Variants in NCKAP5 observed in about 807,000 individuals in gnomAD.
The protein encoded by NCKAP5 is nck-associated protein 5.
Under a neutral mutation model 167.0 loss-of-function variants are expected in NCKAP5, and 92 were observed. That is an observed-to-expected ratio of 0.55 (90% CI 0.47 to 0.66). The LOEUF (loss-of-function observed/expected upper bound fraction) is 0.66. Ranked by LOEUF, NCKAP5 falls within the 30% of genes least tolerant of loss-of-function variation. NCKAP5 has a pLI of 0.00. For synonymous variants in NCKAP5, 891 were observed against 877.4 expected (o/e 1.02, Z -0.27); for missense variants, 2,378 against 2,315.0 (o/e 1.03, Z -0.56).
intron 5 of NCKAP5, among the ~76,000 whole-genome samples, chr2:133,210,438 C>G (rs533912354): frequency 1.4e-4 from 22 of 151,842 alleles, no homozygotes; most frequent in African/African-American, 4.8e-4. Flanking sequence ...ACCATTTTTC[C>G]TTTCATGTGA....
intron 6 of NCKAP5, among the ~76,000 whole-genome samples, chr2:133,021,055 G>A (rs554074673): frequency 1.3e-5 from 2 of 152,128 alleles, no homozygotes; most frequent in Non-Finnish European, 2.9e-5. Context: ...CACCCCCTCA[G>A]GAAGACCTGG....
At chr2:133,134,089 C>A (rs1367360230) in intron 5 of NCKAP5, among the ~76,000 whole-genome samples, 1 of 152,200 alleles carries the variant, frequency 6.6e-6, no homozygotes, top group Non-Finnish European at 1.5e-5. Flanking sequence ...ACAGAAAACT[C>A]CACCCAGTTG....
intron 4 of NCKAP5, among the ~76,000 whole-genome samples, chr2:133,215,969 A>G (rs2086410366): frequency 6.6e-6 from 1 of 152,136 alleles, no homozygotes; most frequent in Non-Finnish European, 1.5e-5. Flanking sequence ...TTTTACTAGC[A>G]ACAAACAATT....
At chr2:132,700,964 A>C (rs1284265389) in intron 19 of NCKAP5, among the ~76,000 whole-genome samples, 1 of 151,238 alleles carries the variant, frequency 6.6e-6, no homozygotes, top group Non-Finnish European at 1.5e-5. Context: ...ACTAATAGGG[A>C]TATCCATCCA....
chr2:133,607,131 T>A, the NCKAP5 span, among the ~76,000 whole-genome samples: 1 of 152,248 alleles, frequency 6.6e-6, no homozygotes, highest in Non-Finnish European at 1.5e-5. Flanking sequence ...CATCAGTATG[T>A]GTACCACATA....
chr2:132,924,333 C>T (rs751626717), intron 8 of NCKAP5, among the ~76,000 whole-genome samples: 5 of 152,068 alleles, frequency 3.3e-5, no homozygotes, highest in African/African-American at 4.8e-5. Flanking sequence ...AAGACGATGT[C>T]GTAGATGGAA....
At chr2:133,139,629 T>G (rs1478203140) in intron 5 of NCKAP5, among the ~76,000 whole-genome samples, 1 of 152,208 alleles carries the variant, frequency 6.6e-6, no homozygotes, top group East Asian at 1.9e-4. Context: ...TGACAGAATC[T>G]AAATGATGTT....
intron 3 of NCKAP5, among the ~76,000 whole-genome samples, chr2:133,305,674 G>A (rs1680730044): frequency 6.6e-6 from 1 of 152,104 alleles, no homozygotes; most frequent in Admixed American, 6.6e-5. Context: ...ACTGGCTTGT[G>A]ATTTCAAAGC....
At chr2:133,128,032 A>C (rs2082459713) in intron 6 of NCKAP5, among the ~76,000 whole-genome samples, 1 of 152,160 alleles carries the variant, frequency 6.6e-6, no homozygotes. Context: ...TCCTACACCA[A>C]AGTTGAAGCA....
intron 6 of NCKAP5, among the ~76,000 whole-genome samples, chr2:133,095,351 A>G (rs2081312881): frequency 6.6e-6 from 1 of 152,160 alleles, no homozygotes; most frequent in East Asian, 1.9e-4. Flanking sequence ...TGTGCAAACC[A>G]GCTCCTTCTC....
At chr2:133,645,522 T>A in the NCKAP5 span, among the ~76,000 whole-genome samples, 1 of 152,156 alleles carries the variant, frequency 6.6e-6, no homozygotes, top group Non-Finnish European at 1.5e-5. Flanking sequence ...TCAATATTAA[T>A]GAAGCAGTAC....
At chr2:133,131,977 AT>A (rs1246793275) in intron 5 of NCKAP5, among the ~76,000 whole-genome samples, 3 of 151,920 alleles carry the variant, frequency 2.0e-5, no homozygotes, top group African/African-American at 7.3e-5. Context: ...CAAAAAAAAA[AT>A]GTACGCTAAA....
chr2:133,278,791 A>G lies in NCKAP5; in HGVS notation c.143+24246T>C, dbSNP rs569616474. 7.1e-4 allele frequency among the ~76,000 whole-genome samples: 108 copies of G among 151,980 alleles called. 1 individual carries two copies. Among genetic ancestry groups the G allele is most frequent in the Admixed American group, 6.4e-3 (97 of 15,248 alleles). On this transcript the variant is annotated intron_variant, in intron 4 of 19. Coordinates refer to ENST00000409261, the MANE Select transcript of NCKAP5 (RefSeq NM_207363.3). ...ATCCATCCCTAAACTACAAAAAAAA[A>G]AAAAAAAACCCTCTTAAAATAAGGG...
intron 3 of NCKAP5, among the ~76,000 whole-genome samples, chr2:133,373,563 C>T (rs12328723): frequency 0.19 from 28,386 of 152,108 alleles, 2,669 homozygotes; most frequent in Non-Finnish European, 0.2. Context: ...GACAAACTAA[C>T]TCTAAAGGTT....
chr2:132,704,674 C>A (rs759143444), intron 19 of NCKAP5, among the ~76,000 whole-genome samples: 1 of 152,164 alleles, frequency 6.6e-6, no homozygotes, highest in East Asian at 1.9e-4. Context: ...CCTTTCGTGT[C>A]CACATTTCCA....
intron 4 of NCKAP5, among the ~76,000 whole-genome samples, chr2:133,254,416 C>A (rs990948602): frequency 1.3e-5 from 2 of 151,974 alleles, no homozygotes; most frequent in African/African-American, 4.8e-5. Context: ...GATACTTCGA[C>A]GAGGCTGAGC....
chr2:133,341,686 A>G (rs973322709), intron 3 of NCKAP5, among the ~76,000 whole-genome samples: 2 of 152,206 alleles, frequency 1.3e-5, no homozygotes, highest in African/African-American at 2.4e-5. Context: ...AAAGTAGCAC[A>G]GCACCCATGA....
chr2:133,118,599 G>T (rs1362349857), intron 6 of NCKAP5: 1 of 151,822 alleles, frequency 6.6e-6, no homozygotes, highest in Non-Finnish European at 1.5e-5. Flanking sequence ...GATATAATAT[G>T]CAGCTGCAAA....
At chr2:133,278,462 C>T (rs887854958) in intron 4 of NCKAP5, among the ~76,000 whole-genome samples, 2 of 152,080 alleles carry the variant, frequency 1.3e-5, no homozygotes, top group Non-Finnish European at 2.9e-5. Flanking sequence ...CTCCCTCTGC[C>T]CACAACCAGG....
Sources: allele counts gnomAD v4.1 joint callset (sites outside exome capture counted in the v4.1 genomes callset), GRCh38; gene constraint gnomAD v4.1.1; transcripts MANE v1.5; gene names NCBI Gene and HGNC (gene_info 2026-07-23, HGNC 2026-07-21).